The following FAM107B variants were observed in gnomAD, a reference collection of about 807,000 sequenced individuals.
FAM107B encodes family with sequence similarity 107 member B.
FAM107B carries 21 observed loss-of-function variants against 31.5 expected under a neutral mutation model. The observed-to-expected ratio is 0.67, with a 90% confidence interval of 0.47 to 0.96. The LOEUF (loss-of-function observed/expected upper bound fraction) is 0.96, where lower values mean the gene tolerates loss of function less well. FAM107B is among the 40% of genes least tolerant of loss of function. The pLI is 0.00. For synonymous variants in FAM107B, 157 were observed against 141.5 expected, an observed-to-expected ratio of 1.11 and a Z score of -0.78; for missense variants, 452 against 377.1, an observed-to-expected ratio of 1.20 and a Z score of -1.64.
At chr10:14,701,854 G>A (rs1258915239) in intron 1 of FAM107B, among the ~76,000 whole-genome samples, 5 of 152,112 alleles carry the variant, frequency 3.3e-5, no homozygotes, top group Admixed American at 3.3e-4. Flanking sequence ...CCTGGAACCT[G>A]GAGCAGGGCT....
chr10:14,611,025 C>T (rs368281974), intron 2 of FAM107B, among the ~76,000 whole-genome samples: 12 of 152,238 alleles, frequency 7.9e-5, no homozygotes, highest in African/African-American at 2.9e-4. Flanking sequence ...CTGCACATCG[C>T]GAAGAATCGA....
At chr10:14,644,150 G>A (rs550567131) in intron 2 of FAM107B, among the ~76,000 whole-genome samples, 11 of 152,224 alleles carry the variant, frequency 7.2e-5, no homozygotes, top group South Asian at 2.1e-4. Context: ...TAGTAGAATC[G>A]TGGGGGAAGA....
intron 3 of FAM107B, chr10:14,527,926 T>C (rs1003666815): frequency 2.9e-5 from 7 of 238,034 alleles, no homozygotes; most frequent in Admixed American, 1.1e-4. Flanking sequence ...TTCTAACAAG[T>C]TTGGTATTAC....
At chr10:14,646,500 C>T (rs1436309555) in intron 2 of FAM107B, among the ~76,000 whole-genome samples, 1 of 152,156 alleles carries the variant, frequency 6.6e-6, no homozygotes, top group Non-Finnish European at 1.5e-5. Context: ...GCCCAAAAGA[C>T]ATTTATTCTT....
intron 2 of FAM107B, among the ~76,000 whole-genome samples, chr10:14,533,286 G>A (rs893904460): frequency 6.6e-6 from 1 of 152,154 alleles, no homozygotes; most frequent in African/African-American, 2.4e-5. Flanking sequence ...TATTTTAAAG[G>A]TAAAGTCTCT....
chr10:14,687,489 AAC>A (rs1158752741), intron 1 of FAM107B, among the ~76,000 whole-genome samples: 2 of 152,204 alleles, frequency 1.3e-5, no homozygotes, highest in African/African-American at 4.8e-5. Context: ...ATAAAAAACC[AAC>A]ACAATGCTTG....
intron 2 of FAM107B, among the ~76,000 whole-genome samples, chr10:14,645,897 T>C (rs920543382): frequency 2.3e-4 from 35 of 152,220 alleles, no homozygotes; most frequent in Non-Finnish European, 2.9e-4. Context: ...TTTACAGTTT[T>C]GTTGTTTTAA....
intron 2 of FAM107B, among the ~76,000 whole-genome samples, chr10:14,651,967 G>C (rs148979911): frequency 3.9e-5 from 6 of 152,280 alleles, no homozygotes; most frequent in Admixed American, 1.3e-4. Context: ...GAAGTGGAAA[G>C]AAGGAATCCA....
rs551783258 is a variant in FAM107B at position 14,557,500 on chromosome 10, C to T, written c.470-26985G>A. ...CTATTTCTCCCTACTAAGTACCCAA[C>T]CAGGTTGGGTCTGTGCTCTACTGTA... On this transcript the variant is annotated intron_variant, in intron 2 of 4. Coordinates refer to ENST00000181796, the MANE Select transcript of FAM107B (RefSeq NM_031453.4). 2.6e-5 allele frequency among the ~76,000 whole-genome samples: 4 copies of T among 152,312 alleles called. No homozygotes were observed. In the South Asian group the frequency reaches 6.2e-4, roughly 24 times the overall value.
At chr10:14,549,566 T>A (rs1481745387) in intron 2 of FAM107B, among the ~76,000 whole-genome samples, 2 of 152,170 alleles carry the variant, frequency 1.3e-5, no homozygotes, top group Non-Finnish European at 2.9e-5. Context: ...CTCTGAACTT[T>A]CCCTGATTCA....
intron 1 of FAM107B, among the ~76,000 whole-genome samples, chr10:14,771,786 G>C (rs2768712): frequency 0.018 from 2,784 of 152,222 alleles, 96 homozygotes; most frequent in African/African-American, 0.064. Context: ...CAAAGCTCTG[G>C]GTGACAGGCA....
chr10:14,603,403 T>C (rs2131377360), intron 2 of FAM107B, among the ~76,000 whole-genome samples: 1 of 152,268 alleles, frequency 6.6e-6, no homozygotes, highest in African/African-American at 2.4e-5. Flanking sequence ...ACCCATCCTA[T>C]CAAGTAACTT....
At chr10:14,594,707 T>C (rs1342091274) in intron 2 of FAM107B, among the ~76,000 whole-genome samples, 1 of 152,116 alleles carries the variant, frequency 6.6e-6, no homozygotes, top group African/African-American at 2.4e-5. Context: ...TAACCTCCCT[T>C]GTTGAAAAAC....
At chr10:14,557,442 C>T (rs1234534788) in intron 2 of FAM107B, among the ~76,000 whole-genome samples, 1 of 152,222 alleles carries the variant, frequency 6.6e-6, no homozygotes, top group Non-Finnish European at 1.5e-5. Context: ...CAGCTGTTCA[C>T]TGGTATTGGG....
intron 1 of FAM107B, among the ~76,000 whole-genome samples, chr10:14,724,943 G>GTT (rs1855996523): frequency 6.6e-6 from 1 of 152,196 alleles, no homozygotes; most frequent in South Asian, 2.1e-4. Context: ...AACATTTGCA[G>GTT]AACCATCCAC....
chr10:14,611,248 C>T (rs1345261649), intron 2 of FAM107B, among the ~76,000 whole-genome samples: 2 of 152,088 alleles, frequency 1.3e-5, no homozygotes, highest in Non-Finnish European at 2.9e-5. Context: ...TAATGGTCGA[C>T]ACTAATGAGT....
intron 2 of FAM107B, among the ~76,000 whole-genome samples, chr10:14,600,748 T>A (rs1852367438): frequency 6.6e-6 from 1 of 152,152 alleles, no homozygotes; most frequent in Non-Finnish European, 1.5e-5. Flanking sequence ...CAAGTGATCC[T>A]CCTGCTTCAG....
intron 2 of FAM107B, among the ~76,000 whole-genome samples, chr10:14,597,285 G>T (rs768482514): frequency 8.5e-5 from 13 of 152,250 alleles, no homozygotes; most frequent in Non-Finnish European, 1.5e-4. Context: ...GATTTCATAA[G>T]ACTGTACAAT....
chr10:14,742,132 G>GA (rs1856454677), intron 1 of FAM107B, among the ~76,000 whole-genome samples: 1 of 152,020 alleles, frequency 6.6e-6, no homozygotes, highest in South Asian at 2.1e-4. Flanking sequence ...TTTGTTTTGA[G>GA]AAAGGGTCTT....
Sources: allele counts gnomAD v4.1 joint callset (sites outside exome capture counted in the v4.1 genomes callset), GRCh38; gene constraint gnomAD v4.1.1; transcripts MANE v1.5; gene names NCBI Gene and HGNC (gene_info 2026-07-23, HGNC 2026-07-21).